The following CACNA1G variants were observed in gnomAD, a reference collection of about 807,000 sequenced individuals.
CACNA1G encodes voltage-dependent T-type calcium channel subunit alpha-1G.
Under a neutral mutation model 219.4 loss-of-function variants are expected in CACNA1G, and 67 were observed. The observed-to-expected ratio is 0.31, with a 90% CI of 0.25 to 0.37. CACNA1G has a LOEUF of 0.37. Ranked by LOEUF, CACNA1G falls within the 10% of genes least tolerant of loss-of-function variation. CACNA1G has a pLI of 1.00. For missense variants in CACNA1G, 2,380 were observed against 3,231.4 expected (o/e 0.74, Z 6.39); for synonymous variants, 1,296 against 1,345.3 (o/e 0.96, Z 0.80).
At chr17:50,588,816 A>G (rs1177171541) in intron 9 of CACNA1G, among the ~76,000 whole-genome samples, 3 of 152,118 alleles carry the variant, frequency 2.0e-5, no homozygotes, top group Non-Finnish European at 4.4e-5. Context: ...TCTCTCTCTG[A>G]GTAACTGTTG....
Position 50,617,377 on chromosome 17 carries a change from C to G in CACNA1G, c.5022-61C>G. 2 of 1,554,374 alleles carry G rather than the reference C, an allele frequency of 1.3e-6. No individual in the cohort carries two copies. The highest frequency in any genetic ancestry group is 2.4e-5 in the South Asian group (2 of 82,316). ...CAAGCCCTGTCTTTCTGTGCCACGA[C>G]TGCCCCCTCCTTCAGGAACCCCCTC... On this transcript the variant is annotated intron_variant, in intron 28 of 37. Transcript: ENST00000359106. This position sits in a 1 kb window ranked among gnomAD's most constrained non-coding sequence, Gnocchi z 5.8.
rs2301833 is a variant in CACNA1G, at chr17:50,578,394, C to T, written c.2131C>T (p.Arg711Trp). The change falls in exon 9 of 38, where the codon CGG becomes TGG. Residue 711 changes from arginine (R) to tryptophan (W), a missense_variant. This residue lies in a region of CACNA1G where 434 missense variants were observed against 417.3 expected (regional missense o/e 1.04). Transcript: ENST00000359106. The surrounding 1 kb of genome is among the most constrained non-coding windows in gnomAD (Gnocchi z 4.5). ...CAGCGACCTCCGGGACCCCCACAGCCGGCGGCAACGGAGCCTGGGCCCAGA... is the reference window on the plus strand; with the variant it reads ...CAGCGACCTCCGGGACCCCCACAGCTGGCGGCAACGGAGCCTGGGCCCAGA... Reference protein sequence around the residue: ...QHSDLRDPHSRRQRSLGPDAE... With the variant: ...QHSDLRDPHSWRQRSLGPDAE... 52 of 1,613,334 alleles carry T rather than the reference C, an allele frequency of 3.2e-5. No individual in the cohort carries two copies. The highest frequency in any genetic ancestry group is 2.9e-4 in the East Asian group (13 of 44,882).
chr17:50,598,027 C>T (rs565006531), intron 16 of CACNA1G, among the ~76,000 whole-genome samples: 1 of 152,080 alleles, frequency 6.6e-6, no homozygotes, highest in African/African-American at 2.4e-5. Context: ...GCCATATTTT[C>T]TTTCTTTCTT....
chr17:50,564,024 T>C (rs2036893331), intron 1 of CACNA1G, among the ~76,000 whole-genome samples: 1 of 152,152 alleles, frequency 6.6e-6, no homozygotes, highest in Non-Finnish European at 1.5e-5. Flanking sequence ...CACCCCCAAC[T>C]AACTGAAGCT....
intron 35 of CACNA1G, among the ~76,000 whole-genome samples, chr17:50,623,282 T>TA (rs2052666275): frequency 7.1e-6 from 1 of 141,608 alleles, no homozygotes; most frequent in African/African-American, 2.6e-5. Flanking sequence ...TTTTTTTTTT[T>TA]TTTTTTTTTT....
In CACNA1G at chr17:50,603,588, C is replaced by G. The variant is rs1221618977; in HGVS notation, c.4169+389C>G. ...CCCCTCCCCGTGAGGTGACAGGCTC[C>G]TCTTGCTGGCTTTCCCCATCTTCAG... On this transcript the variant is annotated intron_variant, in intron 21 of 37. Coordinates refer to ENST00000359106, the MANE Select transcript of CACNA1G (RefSeq NM_018896.5). The surrounding 1 kb of genome is among the most constrained non-coding windows in gnomAD (Gnocchi z 6.4). 6.6e-6 allele frequency among the ~76,000 whole-genome samples: 1 copy of G among 152,124 alleles called. No individual in the cohort carries two copies. The highest frequency in any genetic ancestry group is 2.4e-5 in the African/African-American group (1 of 41,406).
In CACNA1G at chr17:50,591,441, G is replaced by T; in HGVS notation, c.2460G>T (p.Trp820Cys). 1 of 1,572,510 alleles carries T rather than the reference G, an allele frequency of 6.4e-7. No homozygotes were observed. Among genetic ancestry groups the T allele is most frequent in the East Asian group, 2.3e-5 (1 of 44,024 alleles). The change falls in exon 11 of 38, where the codon TGG becomes TGT. Residue 820 changes from tryptophan (W) to cysteine (C), a missense_variant. Around this residue, in one of 17 missense-constraint regions of CACNA1G, gnomAD observed 82 missense variants for 140.7 expected, o/e 0.58. Coordinates refer to ENST00000359106, the MANE Select transcript of CACNA1G (RefSeq NM_018896.5). Reference protein sequence around the residue: ...FDGVIVVISVWEIVGQQGGGL... With the variant: ...FDGVIVVISVCEIVGQQGGGL... Reference sequence around the variant, plus strand: ...CTGCCTGCCCCCTTTGCAGCGTGTGGGAGATCGTGGGCCAGCAGGGGGGCG... The same window carrying T: ...CTGCCTGCCCCCTTTGCAGCGTGTGTGAGATCGTGGGCCAGCAGGGGGGCG...
In CACNA1G at chr17:50,606,889, C is replaced by T. The variant is rs2048083187; in HGVS notation, c.4423-11C>T. The T allele has an allele frequency of 1.2e-6, 2 of 1,604,498 alleles. No individual in the cohort carries two copies. The highest frequency in any genetic ancestry group is 2.7e-5 in the African/African-American group (2 of 74,836). On this transcript the variant is annotated splice_polypyrimidine_tract_variant and intron_variant, in intron 23 of 37. Transcript: ENST00000359106. ...AGACTTCAAATGTCTCCTTCTCCTC[C>T]TCCCCATCAGGCCCTGATGTCCCTG...
chr17:50,587,196 T>C (rs2043158256), intron 9 of CACNA1G, among the ~76,000 whole-genome samples: 1 of 151,932 alleles, frequency 6.6e-6, no homozygotes, highest in African/African-American at 2.4e-5. Context: ...AGGGCAGAGA[T>C]GTAGAGGGAG....
chr17:50,610,807 T>A (rs2049030189), intron 26 of CACNA1G, among the ~76,000 whole-genome samples: 1 of 152,202 alleles, frequency 6.6e-6, no homozygotes, highest in South Asian at 2.1e-4. Context: ...TTTTTACTAA[T>A]CAGAGGCGCA....
chr17:50,561,907 A>C (rs971331957), intron 1 of CACNA1G: 1 of 226,976 alleles, frequency 4.4e-6, no homozygotes, highest in Non-Finnish European at 7.8e-6. Flanking sequence ...ACCCGGGCTT[A>C]CCCCACCTGC....
chr17:50,562,005 G>A, intron 1 of CACNA1G: 1 of 350,524 alleles, frequency 2.9e-6, no homozygotes, highest in South Asian at 4.0e-5. Flanking sequence ...GCAGCTGGAC[G>A]CCCTCCAGAT....
chr17:50,614,956 C>G (rs1381176667), intron 26 of CACNA1G, among the ~76,000 whole-genome samples: 1 of 152,234 alleles, frequency 6.6e-6, no homozygotes, highest in East Asian at 1.9e-4. Context: ...AAGCCTTTGC[C>G]TCCCCGTTGA....
At position 50,589,886 on chromosome 17, in the gene CACNA1G, G is replaced by A. The variant is rs143659171; in HGVS notation, c.2302-585G>A. On this transcript the variant is annotated intron_variant, in intron 9 of 37. Coordinates refer to ENST00000359106, the MANE Select transcript of CACNA1G (RefSeq NM_018896.5). ...TCACCATGTGTGTGACTGGGAATGC[G>A]TGCATTTTTCTCTCTCTCTCTCTCT... Among the ~76,000 whole-genome samples, 300 of 135,444 alleles carry A rather than the reference G, an allele frequency of 2.2e-3. 1 individual carries two copies. The highest frequency in any genetic ancestry group is 3.6e-3 in the Middle Eastern group (1 of 274). 88.9% of individuals were successfully genotyped at this position (135,444 alleles called of 152,430 possible).
intron 16 of CACNA1G, among the ~76,000 whole-genome samples, chr17:50,598,245 T>G (rs1456396269): frequency 6.6e-6 from 1 of 152,202 alleles, no homozygotes; most frequent in African/African-American, 2.4e-5. Flanking sequence ...GCCAGGCTGG[T>G]CTCAAATACC....
chr17:50,561,810 C>G lies in CACNA1G; in HGVS notation c.242+109C>G, dbSNP rs1415826434. 5 of 123,658 alleles carry G rather than the reference C, an allele frequency of 4.0e-5. No individual in the cohort carries two copies. In the Admixed American group the frequency reaches 1.9e-3, roughly 48 times the overall value. 7.7% of individuals were successfully genotyped at this position (123,658 alleles called of 1,614,324 possible). On this transcript the variant is annotated intron_variant, in intron 1 of 37. Transcript: ENST00000359106. ...ACCGCCAGGTGAGTCGAAGTGAGCC[C>G]GGAGGGTAGGCGGATGGGGGGGGGG... is the stretch of plus-strand genomic sequence containing the variant.
At chr17:50,605,010 C>A (rs565997419) in intron 22 of CACNA1G, among the ~76,000 whole-genome samples, 3 of 152,094 alleles carry the variant, frequency 2.0e-5, no homozygotes, top group Non-Finnish European at 1.5e-5. Context: ...GGGGCTGTTC[C>A]CTGACTTCCT....
intron 9 of CACNA1G, among the ~76,000 whole-genome samples, chr17:50,587,117 A>T (rs2043142222): frequency 6.6e-6 from 1 of 151,880 alleles, no homozygotes; most frequent in East Asian, 1.9e-4. Context: ...CAGCCTGATG[A>T]GTTTGTGTGC....
At chr17:50,604,047 G>T in intron 21 of CACNA1G, 108 bp from the exon 22 acceptor site, 1 of 1,174,910 alleles carries the variant, frequency 8.5e-7, no homozygotes, top group Non-Finnish European at 1.2e-6. Flanking sequence ...GCCACCAGAG[G>T]CCAGGAAGGG....
Sources: gnomAD v4.1 joint callset for allele counts (sites outside exome capture counted in the v4.1 genomes callset) on GRCh38, gnomAD v4.1.1 for gene constraint, gnomAD v4.1.1 regional missense constraint, Gnocchi (gnomAD v3.1) non-coding constraint, MANE v1.5 for transcripts, NCBI Gene and HGNC (gene_info 2026-07-23, HGNC 2026-07-21) for gene names.